The following ROR1 variants were observed in gnomAD, a reference collection of about 807,000 sequenced individuals.
ROR1 encodes the protein inactive tyrosine-protein kinase transmembrane receptor ROR1.
In ROR1, 19 loss-of-function variants were observed where a neutral mutation model predicts 78.8. The ratio of observed to expected loss-of-function variants is 0.24; its 90% CI spans 0.17 to 0.35. ROR1 has a LOEUF of 0.35. Among genes scored for constraint, ROR1 ranks in the 10% least tolerant of loss-of-function variants. ROR1 has a pLI of 1.00. For synonymous variants in ROR1, 386 were observed against 433.6 expected (o/e 0.89, Z 1.36); for missense variants, 917 against 1,177.8 (o/e 0.78, Z 3.24).
chr1:63,833,451 G>A (rs1645000963), intron 1 of ROR1, among the ~76,000 whole-genome samples: 1 of 152,282 alleles, frequency 6.6e-6, no homozygotes, highest in East Asian at 1.9e-4. Context: ...TAGTTAGAGG[G>A]CCATCTTGGA....
intron 1 of ROR1, among the ~76,000 whole-genome samples, chr1:63,822,236 T>A (rs182827862): frequency 6.6e-6 from 1 of 152,336 alleles, no homozygotes; most frequent in Non-Finnish European, 1.5e-5. Flanking sequence ...CTGTGGTATA[T>A]GTAACAGTGT....
chr1:63,885,195 T>A (rs1366167199), intron 1 of ROR1, among the ~76,000 whole-genome samples: 1 of 152,158 alleles, frequency 6.6e-6, no homozygotes, highest in African/African-American at 2.4e-5. Flanking sequence ...ATGAGACAGA[T>A]CCTTATGTTT....
chr1:64,163,266 C>CACACACAA (rs1557680459), intron 8 of ROR1, among the ~76,000 whole-genome samples: 6 of 127,772 alleles, frequency 4.7e-5, no homozygotes, highest in African/African-American at 1.4e-4. Flanking sequence ...CACACACACA[C>CACACACAA]AATTCGCCAG....
At chr1:63,824,381 A>G (rs1557514444) in intron 1 of ROR1, among the ~76,000 whole-genome samples, 1 of 152,212 alleles carries the variant, frequency 6.6e-6, no homozygotes, top group Non-Finnish European at 1.5e-5. Flanking sequence ...TAAAATTTAA[A>G]TTTCATACAG....
At chr1:64,056,280 G>T (rs1043939007) in intron 4 of ROR1, among the ~76,000 whole-genome samples, 1 of 152,074 alleles carries the variant, frequency 6.6e-6, no homozygotes, top group Non-Finnish European at 1.5e-5. Context: ...GCAGCATTTT[G>T]TATTTGCAGA....
chr1:64,089,973 C>T (rs1647182458), intron 4 of ROR1, among the ~76,000 whole-genome samples: 1 of 152,000 alleles, frequency 6.6e-6, no homozygotes, highest in African/African-American at 2.4e-5. Context: ...TGCCTGCCAC[C>T]ATGTAAGACA....
chr1:63,976,679 ATAT>A (rs1225095933), intron 1 of ROR1, among the ~76,000 whole-genome samples: 2 of 152,176 alleles, frequency 1.3e-5, no homozygotes, highest in African/African-American at 4.8e-5. Context: ...TCACTTGGTC[ATAT>A]TGCTCATTAG....
chr1:63,872,181 A>G (rs1173077314), intron 1 of ROR1, among the ~76,000 whole-genome samples: 1 of 152,194 alleles, frequency 6.6e-6, no homozygotes, highest in Non-Finnish European at 1.5e-5. Context: ...AGTAGTTCCC[A>G]TTAGTAAACG....
At chr1:64,040,316 C>A (rs1459099133) in intron 2 of ROR1, among the ~76,000 whole-genome samples, 1 of 152,118 alleles carries the variant, frequency 6.6e-6, no homozygotes, top group Non-Finnish European at 1.5e-5. Flanking sequence ...AGACTTTGGT[C>A]ATATTATATA....
intron 4 of ROR1, among the ~76,000 whole-genome samples, chr1:64,125,188 G>A (rs1049550938): frequency 5.9e-5 from 9 of 152,146 alleles, no homozygotes; most frequent in Non-Finnish European, 1.0e-4. Flanking sequence ...GTTTTAAGGC[G>A]GGCTTTGGCT....
intron 1 of ROR1, among the ~76,000 whole-genome samples, chr1:63,993,345 C>A (rs1444288799): frequency 6.6e-6 from 1 of 152,088 alleles, no homozygotes; most frequent in African/African-American, 2.4e-5. Flanking sequence ...AAAAATTCTC[C>A]CATTTTGCAC....
intron 4 of ROR1, among the ~76,000 whole-genome samples, chr1:64,101,996 T>C (rs1005781509): frequency 1.3e-5 from 2 of 152,200 alleles, no homozygotes; most frequent in African/African-American, 4.8e-5. Context: ...TATATAGTTA[T>C]TGGTCAAACA....
chr1:63,989,183 T>A lies in ROR1; in HGVS notation c.92-20122T>A, dbSNP rs980302831. 5.8e-3 allele frequency among the ~76,000 whole-genome samples: 880 copies of A among 150,872 alleles called. 10 individuals are homozygous for A. Among genetic ancestry groups the A allele is most frequent in the Admixed American group, 0.025 (378 of 15,132 alleles). On this transcript the variant is annotated intron_variant, in intron 1 of 8. Coordinates refer to ENST00000371079, the MANE Select transcript of ROR1 (RefSeq NM_005012.4). ...TTCTGTTTTTGTTTTTTTTTTTTTT[T>A]AAACTCTTTAGCGTTGTAATGGCAT...
intron 8 of ROR1, among the ~76,000 whole-genome samples, chr1:64,175,907 A>G (rs1421685034): frequency 6.6e-6 from 1 of 152,174 alleles, no homozygotes; most frequent in Non-Finnish European, 1.5e-5. Flanking sequence ...GTATTTCAAC[A>G]TTGTCAGTTT....
intron 1 of ROR1, among the ~76,000 whole-genome samples, chr1:63,952,685 G>A (rs1176498445): frequency 1.3e-5 from 2 of 152,098 alleles, no homozygotes; most frequent in Admixed American, 6.5e-5. Context: ...CCAGGCCAGG[G>A]GAATTTGATA....
In ROR1 at chr1:64,178,261, A is replaced by G. The variant is rs1036325455; in HGVS notation, c.2220A>G (p.Lys740=). Residue 740 remains lysine (K), a synonymous_variant, in exon 9 of 9, where the codon AAA becomes AAG. Transcript: ENST00000371079. The surrounding 1 kb of genome is among the most constrained non-coding windows in gnomAD (Gnocchi z 4.3). ...TTCCTTCTAGGAGACCAAGATTTAA[A>G]GATATTCACGTCCGGCTTCGGTCCT... ...NEIPSRRPRF[K]DIHVRLRSWE... 1.2e-6 allele frequency: 2 copies of G among 1,614,146 alleles called. No individual in the cohort carries two copies. The highest frequency in any genetic ancestry group is 1.7e-5 in the Admixed American group (1 of 60,026).
chr1:63,820,485 C>G (rs1644917407), intron 1 of ROR1, among the ~76,000 whole-genome samples: 1 of 152,172 alleles, frequency 6.6e-6, no homozygotes, highest in Admixed American at 6.6e-5. Flanking sequence ...GGAAAATGCC[C>G]CAGTAGAACT....
intron 1 of ROR1, among the ~76,000 whole-genome samples, chr1:63,831,995 C>T (rs56055617): frequency 0.012 from 1,764 of 152,308 alleles, 40 homozygotes; most frequent in African/African-American, 0.04. Flanking sequence ...TAAGGTTACA[C>T]AGATCTCTAG....
At position 63,825,805 on chromosome 1, in the gene ROR1, G is replaced by A. The variant is rs535992171; in HGVS notation, c.91+51297G>A. Among the ~76,000 whole-genome samples, 5 of 151,952 alleles carry A rather than the reference G, an allele frequency of 3.3e-5. No homozygotes were observed. The South Asian group carries it at 8.3e-4, about 25-fold the overall frequency. ...ATATTCAGTGTTTATTTCCTTTTAC[G>A]CCAAAATCCATATTCAGTAGGTTCA... On this transcript the variant is annotated intron_variant, in intron 1 of 8. Coordinates refer to ENST00000371079, the MANE Select transcript of ROR1 (RefSeq NM_005012.4).
Sources: gnomAD v4.1 joint callset for allele counts (sites outside exome capture counted in the v4.1 genomes callset) on GRCh38, gnomAD v4.1.1 for gene constraint, Gnocchi (gnomAD v3.1) non-coding constraint, MANE v1.5 for transcripts, NCBI Gene and HGNC (gene_info 2026-07-23, HGNC 2026-07-21) for gene names.